CRTC3: variants seen among roughly 807,000 people sequenced by gnomAD.
CRTC3 encodes the protein CREB-regulated transcription coactivator 3.
In CRTC3, 26 loss-of-function variants were observed where a neutral mutation model predicts 74.5. The ratio of observed to expected loss-of-function variants is 0.35; its 90% CI spans 0.26 to 0.48. The LOEUF is 0.48. Ranked by LOEUF, CRTC3 falls within the 20% of genes least tolerant of loss-of-function variation. The pLI is 0.99. For missense variants in CRTC3, 760 were observed against 787.3 expected (o/e 0.97, Z 0.41); for synonymous variants, 377 against 325.8 (o/e 1.16, Z -1.69).
intron 3 of CRTC3, among the ~76,000 whole-genome samples, chr15:90,599,861 G>T (rs1968023099): frequency 6.6e-6 from 1 of 152,156 alleles, no homozygotes. Flanking sequence ...TGAGAAAAAT[G>T]GTAAACTTCT....
rs556487538 is a variant in CRTC3, at chr15:90,545,799, C to T, written c.231+5662C>T. ...TTCACTGTGTTAGCCAGGATGGTCT[C>T]CATCTCCTGACTTTGTGATCCGCCC... On this transcript the variant is annotated intron_variant, in intron 2 of 14. Coordinates refer to ENST00000268184, the MANE Select transcript of CRTC3 (RefSeq NM_022769.5). Among the ~76,000 whole-genome samples the T allele has an allele frequency of 8.5e-3, 1,295 of 151,922 alleles. 6 individuals are homozygous for T. The highest frequency in any genetic ancestry group is 0.014 in the Non-Finnish European group (969 of 67,878).
intron 3 of CRTC3, among the ~76,000 whole-genome samples, chr15:90,596,812 T>C (rs1259982728): frequency 6.6e-6 from 1 of 152,208 alleles, no homozygotes; most frequent in East Asian, 1.9e-4. Flanking sequence ...CATTTGAAAG[T>C]ATAAAACACT....
rs5814439 is a variant in CRTC3 at position 90,551,944 on chromosome 15, G to GCACACACACA, written c.231+11822_231+11831dup. ...ATTACACACACGCACACACACACAC[G>GCACACACACA]CACACACACACACACACACACACAA... On this transcript the variant is annotated intron_variant, in intron 2 of 14. Transcript: ENST00000268184. 1.7e-4 allele frequency among the ~76,000 whole-genome samples: 22 copies of GCACACACACA among 129,198 alleles called. 1 individual carries two copies. The highest frequency in any genetic ancestry group is 5.5e-4 in the African/African-American group (15 of 27,380). The allele number at this position is 129,198 out of a possible 152,430, so 84.8% of individuals were successfully genotyped here.
chr15:90,574,745 T>A (rs1352150752), intron 2 of CRTC3, among the ~76,000 whole-genome samples: 1 of 152,202 alleles, frequency 6.6e-6, no homozygotes, highest in African/African-American at 2.4e-5. Context: ...TTAGTCTACA[T>A]AGTAGAAAAA....
At chr15:90,598,498 G>C in intron 3 of CRTC3, 1 of 702,868 alleles carries the variant, frequency 1.4e-6, no homozygotes, top group South Asian at 1.5e-5. Flanking sequence ...GCAGTAACTC[G>C]AGGAGGAAGA....
chr15:90,615,167 A>G (rs1596127173), intron 7 of CRTC3, among the ~76,000 whole-genome samples: 1 of 152,222 alleles, frequency 6.6e-6, no homozygotes, highest in Admixed American at 6.5e-5. Flanking sequence ...ACAGATAACA[A>G]TGCCAGGAAA....
At chr15:90,602,481 A>G (rs1157180102) in intron 4 of CRTC3, 96 bp downstream of exon 4, 1 of 743,548 alleles carries the variant, frequency 1.3e-6, no homozygotes, top group African/African-American at 1.8e-5. Context: ...AATTTCTAAT[A>G]TAAAGCATAG....
chr15:90,605,610 TAA>T (rs10582431), intron 5 of CRTC3, among the ~76,000 whole-genome samples: 141,436 of 152,180 alleles, frequency 0.93, 65,893 homozygotes, highest in Middle Eastern at 0.99. Context: ...TTTGAATCTG[TAA>T]AAAGAGGCTG....
intron 1 of CRTC3, among the ~76,000 whole-genome samples, chr15:90,537,963 C>T (rs908779998): frequency 1.3e-5 from 2 of 152,150 alleles, no homozygotes; most frequent in Admixed American, 6.5e-5. Flanking sequence ...GATTGTGAGA[C>T]GGCCTTCAGC....
intron 3 of CRTC3, among the ~76,000 whole-genome samples, chr15:90,600,911 A>G (rs1703763456): frequency 6.6e-6 from 1 of 152,146 alleles, no homozygotes; most frequent in Admixed American, 6.6e-5. Flanking sequence ...TCCACATAGG[A>G]GGTGAGAAAG....
rs1355803258 is a variant in CRTC3, at chr15:90,642,270, T to A, written c.*130T>A. 2 of 717,204 alleles carry A rather than the reference T, an allele frequency of 2.8e-6. No individual in the cohort carries two copies. The highest frequency in any genetic ancestry group is 4.7e-6 in the Non-Finnish European group (2 of 425,922). 44.4% of individuals were successfully genotyped at this position (717,204 alleles called of 1,614,324 possible). On this transcript the variant is annotated 3_prime_UTR_variant, in exon 15 of 15. Transcript: ENST00000268184. The stretch of plus-strand genomic sequence containing the variant: ...AGGAAGCAATGCCACGGCTCCAGGG[T>A]TTCAGATGAGATCCCATCTCAGACA...
chr15:90,621,563 T>C (rs1451280379), intron 9 of CRTC3, among the ~76,000 whole-genome samples: 1 of 152,158 alleles, frequency 6.6e-6, no homozygotes, highest in African/African-American at 2.4e-5. Flanking sequence ...CCTCAGGTGA[T>C]CCACCCACTT....
At chr15:90,553,892 C>T (rs1042878956) in intron 2 of CRTC3, among the ~76,000 whole-genome samples, 5 of 152,172 alleles carry the variant, frequency 3.3e-5, no homozygotes, top group Admixed American at 6.5e-5. Flanking sequence ...AAAAGAAATA[C>T]GACAAGTACT....
chr15:90,536,174 CTGTA>C (rs1200635352), intron 1 of CRTC3, among the ~76,000 whole-genome samples: 1 of 152,160 alleles, frequency 6.6e-6, no homozygotes, highest in East Asian at 1.9e-4. Flanking sequence ...AGCACACTGT[CTGTA>C]TATTATAGCT....
chr15:90,637,472 G>A (rs577895775), intron 11 of CRTC3, among the ~76,000 whole-genome samples: 107 of 152,244 alleles, frequency 7.0e-4, no homozygotes, highest in African/African-American at 2.5e-3. Context: ...GTTAATGGGT[G>A]TAGCACACCA....
At chr15:90,536,069 G>T (rs1225237301) in intron 1 of CRTC3, among the ~76,000 whole-genome samples, 1 of 152,136 alleles carries the variant, frequency 6.6e-6, no homozygotes, top group East Asian at 1.9e-4. Context: ...GAATTGCTGT[G>T]GCAATTTTGT....
intron 1 of CRTC3, among the ~76,000 whole-genome samples, chr15:90,536,370 A>G (rs1209431311): frequency 7.0e-6 from 1 of 142,444 alleles, no homozygotes; most frequent in Non-Finnish European, 1.5e-5. Context: ...ATCCGTCTCT[A>G]AAAAAAAAAA....
In CRTC3 at chr15:90,641,052, G is replaced by C. The variant is rs765179837; in HGVS notation, c.1549-45G>C. 31 of 1,287,620 alleles carry C rather than the reference G, an allele frequency of 2.4e-5. No individual in the cohort carries two copies. In the South Asian group the frequency reaches 3.7e-4, roughly 15 times the overall value. 79.8% of individuals were successfully genotyped at this position (1,287,620 alleles called of 1,614,324 possible). A position where few individuals can be genotyped will look rare whatever the true frequency, so the allele number is the denominator to read the frequency against. ...CATTGCAATACTCACTTCCTCCTTG[G>C]AAACAGAGGTGTGGCCTTCCTCACA... is the stretch of plus-strand genomic sequence containing the variant. On this transcript the variant is annotated intron_variant, in intron 13 of 14. Transcript: ENST00000268184.
intron 14 of CRTC3, 74 bp from the exon 15 acceptor site, chr15:90,641,858 C>G (rs1969456938): frequency 7.8e-7 from 1 of 1,275,646 alleles, no homozygotes; most frequent in South Asian, 1.2e-5. Flanking sequence ...CTGTCATCAG[C>G]TGGGTTTGCT....
Sources: allele counts gnomAD v4.1 joint callset (sites outside exome capture counted in the v4.1 genomes callset), GRCh38; gene constraint gnomAD v4.1.1; transcripts MANE v1.5; gene names NCBI Gene and HGNC (gene_info 2026-07-23, HGNC 2026-07-21).